The following ZNF385D variants were observed in gnomAD, a reference collection of about 807,000 sequenced individuals.
ZNF385D encodes zinc finger protein 659.
ZNF385D carries 15 observed loss-of-function variants against 35.8 expected under a neutral mutation model. That is an observed-to-expected ratio of 0.42 (90% confidence interval 0.28 to 0.64). ZNF385D has a LOEUF of 0.64. Ranked by LOEUF, ZNF385D falls within the 30% of genes least tolerant of loss-of-function variation. ZNF385D has a pLI of 0.23. For missense variants in ZNF385D, 474 were observed against 494.6 expected, an observed-to-expected ratio of 0.96 and a Z score of 0.39; for synonymous variants, 212 against 186.8, an observed-to-expected ratio of 1.13 and a Z score of -1.10.
intron 3 of ZNF385D, among the ~76,000 whole-genome samples, chr3:22,123,794 G>A (rs373645989): frequency 7.2e-5 from 11 of 151,822 alleles, no homozygotes; most frequent in African/African-American, 1.9e-4. Context: ...CCCAAGAGGC[G>A]GAGGTTGCAG....
intron 3 of ZNF385D, among the ~76,000 whole-genome samples, chr3:21,896,903 C>T (rs1575861070): frequency 1.3e-5 from 2 of 151,014 alleles, no homozygotes; most frequent in South Asian, 2.1e-4. Context: ...ACACAGACTT[C>T]TAGAAGTCAT....
chr3:21,924,684 T>G (rs914479149), intron 3 of ZNF385D, among the ~76,000 whole-genome samples: 7 of 152,082 alleles, frequency 4.6e-5, no homozygotes, highest in African/African-American at 1.4e-4. Context: ...CAGGGAGTAA[T>G]AAGGCCCTAC....
intron 3 of ZNF385D, among the ~76,000 whole-genome samples, chr3:22,121,392 A>C (rs1020013301): frequency 1.3e-5 from 2 of 152,224 alleles, no homozygotes; most frequent in African/African-American, 4.8e-5. Flanking sequence ...CAGCATGCAT[A>C]ATCAGCAACA....
intron 4 of ZNF385D, among the ~76,000 whole-genome samples, chr3:21,452,299 C>G (rs542799101): frequency 5.3e-4 from 81 of 152,118 alleles, no homozygotes; most frequent in African/African-American, 1.9e-3. Flanking sequence ...ATACAGTTCT[C>G]TCAATTTTGC....
rs76170326 is a variant in ZNF385D at position 21,713,374 on chromosome 3, G to A, written c.22+37521C>T. Among the ~76,000 whole-genome samples the A allele has an allele frequency of 3.2e-3, 490 of 152,198 alleles. 4 individuals carry two copies. The highest frequency in any genetic ancestry group is 0.011 in the African/African-American group (476 of 41,540). On this transcript the variant is annotated intron_variant, in intron 1 of 7. Coordinates refer to ENST00000281523, the MANE Select transcript of ZNF385D (RefSeq NM_024697.3). The stretch of plus-strand genomic sequence containing the variant: ...TTCTTTTCACCATCTTGGTGCTGAG[G>A]GCACTGCACCCCCTGTAATCTGTCA...
chr3:22,083,956 C>A (rs538670097), intron 3 of ZNF385D, among the ~76,000 whole-genome samples: 1 of 152,290 alleles, frequency 6.6e-6, no homozygotes, highest in South Asian at 2.1e-4. Flanking sequence ...GAATTTTCAA[C>A]CCATAATTTC....
chr3:21,931,569 T>C (rs768617210), intron 3 of ZNF385D, among the ~76,000 whole-genome samples: 1 of 151,866 alleles, frequency 6.6e-6, no homozygotes, highest in African/African-American at 2.4e-5. Flanking sequence ...ATTCGTAGAG[T>C]GGAACATGTC....
At chr3:21,757,120 C>CTCTTT (rs1194556367) in intron 3 of ZNF385D, among the ~76,000 whole-genome samples, 2 of 106,418 alleles carry the variant, frequency 1.9e-5, no homozygotes. Context: ...ATAAATTTCT[C>CTCTTT]TTTTTTTTTT....
intron 3 of ZNF385D, among the ~76,000 whole-genome samples, chr3:21,867,323 G>A (rs545500417): frequency 2.0e-4 from 30 of 152,176 alleles, no homozygotes; most frequent in African/African-American, 7.2e-4. Flanking sequence ...CATGAATTTG[G>A]AGGGATACAT....
At chr3:22,046,202 G>A (rs1378870863) in intron 3 of ZNF385D, among the ~76,000 whole-genome samples, 4 of 152,038 alleles carry the variant, frequency 2.6e-5, no homozygotes, top group Admixed American at 6.6e-5. Flanking sequence ...ATATTCATAC[G>A]GGGTTTCAAT....
chr3:22,092,087 G>C (rs566059136), intron 3 of ZNF385D, among the ~76,000 whole-genome samples: 6 of 152,250 alleles, frequency 3.9e-5, no homozygotes, highest in African/African-American at 1.2e-4. Flanking sequence ...AGATTGAATA[G>C]AAGAGTGAAT....
intron 3 of ZNF385D, among the ~76,000 whole-genome samples, chr3:22,102,279 T>C (rs891533618): frequency 6.6e-6 from 1 of 152,000 alleles, no homozygotes; most frequent in African/African-American, 2.4e-5. Context: ...ACACTCATGA[T>C]TTCACTTCAT....
intron 3 of ZNF385D, among the ~76,000 whole-genome samples, chr3:22,047,682 A>T (rs1242515575): frequency 6.6e-6 from 1 of 152,078 alleles, no homozygotes; most frequent in African/African-American, 2.4e-5. Context: ...TATCTTAGCT[A>T]TTGTGAATGT....
At chr3:21,913,229 A>C (rs1700048527) in intron 3 of ZNF385D, among the ~76,000 whole-genome samples, 1 of 152,278 alleles carries the variant, frequency 6.6e-6, no homozygotes, top group Non-Finnish European at 1.5e-5. Context: ...GAGAAGGAAC[A>C]GTGTCACCAT....
At position 21,509,696 on chromosome 3, in the gene ZNF385D, A is replaced by ACCAGTTG. The variant is rs562347452; in HGVS notation, c.439+1158_439+1164dup. ...TTACTCAGCATTTATCCCATGCCAG[A>ACCAGTTG]CCAGTTGCCAGCATACAAAGATGAG... On this transcript the variant is annotated intron_variant, in intron 4 of 7. Transcript: ENST00000281523. Among the ~76,000 whole-genome samples the ACCAGTTG allele has an allele frequency of 4.6e-3, 701 of 152,294 alleles. 5 individuals are homozygous for ACCAGTTG. Among genetic ancestry groups the ACCAGTTG allele is most frequent in the South Asian group, 7.1e-3 (34 of 4,822 alleles).
chr3:21,520,857 A>G (rs1475003268), intron 3 of ZNF385D, among the ~76,000 whole-genome samples: 1 of 152,190 alleles, frequency 6.6e-6, no homozygotes, highest in Non-Finnish European at 1.5e-5. Flanking sequence ...TGTTAACACC[A>G]TTTTTAAACT....
chr3:22,234,167 A>G (rs1364609761), intron 2 of ZNF385D, among the ~76,000 whole-genome samples: 2 of 152,140 alleles, frequency 1.3e-5, no homozygotes, highest in Admixed American at 6.6e-5. Context: ...TTTACTTTCC[A>G]TACTCATCAT....
intron 3 of ZNF385D, among the ~76,000 whole-genome samples, chr3:22,041,880 A>G (rs1449233368): frequency 6.6e-6 from 1 of 152,130 alleles, no homozygotes; most frequent in African/African-American, 2.4e-5. Flanking sequence ...AGGTTATAAT[A>G]TCTGTGTTCT....
chr3:21,419,516 C>T lies in ZNF385D; in HGVS notation c.*1698G>A, dbSNP rs1435848105. The T allele has an allele frequency of 1.3e-5, 2 of 152,134 alleles. No homozygotes were observed. The highest frequency in any genetic ancestry group is 4.1e-4 in the South Asian group (2 of 4,828). 9.4% of individuals were successfully genotyped at this position (152,134 alleles called of 1,614,324 possible). ...CAGTTTCAGGAAGGCCACACCCAATCCTTCCCTATATTTTTAAATAGTCTT... is the reference window on the plus strand; with the variant it reads ...CAGTTTCAGGAAGGCCACACCCAATTCTTCCCTATATTTTTAAATAGTCTT... On this transcript the variant is annotated 3_prime_UTR_variant, in exon 8 of 8. Transcript: ENST00000281523.
Sources: gnomAD v4.1 joint callset for allele counts (sites outside exome capture counted in the v4.1 genomes callset) on GRCh38, gnomAD v4.1.1 for gene constraint, MANE v1.5 for transcripts, NCBI Gene and HGNC (gene_info 2026-07-23, HGNC 2026-07-21) for gene names.